Variants in RGS17 observed in about 807,000 individuals in gnomAD.
RGS17 encodes regulator of G protein signaling 17, also known as regulator of G-protein signaling 17.
Under a neutral mutation model 25.5 loss-of-function variants are expected in RGS17, and 12 were observed. That is an observed-to-expected ratio of 0.47 (90% CI 0.30 to 0.76). The LOEUF (loss-of-function observed/expected upper bound fraction) is 0.76. Among genes scored for constraint, RGS17 ranks in the 30% least tolerant of loss-of-function variants. The pLI, the probability that RGS17 is intolerant of heterozygous loss-of-function variation, is 0.07. For synonymous variants in RGS17, 71 were observed against 76.9 expected (o/e 0.92, Z 0.40); for missense variants, 196 against 242.2 (o/e 0.81, Z 1.27).
intron 1 of RGS17, among the ~76,000 whole-genome samples, chr6:153,085,037 C>A (rs1447722654): frequency 6.6e-6 from 1 of 152,112 alleles, no homozygotes; most frequent in African/African-American, 2.4e-5. Flanking sequence ...TGCTTTAAAA[C>A]TGTGTTTTAA....
At chr6:153,053,988 TATA>T (rs1776505765) in intron 1 of RGS17, among the ~76,000 whole-genome samples, 1 of 53,634 alleles carries the variant, frequency 1.9e-5, no homozygotes, top group Admixed American at 2.2e-4. Context: ...TATATATGTA[TATA>T]ATATATATAC....
chr6:153,104,823 C>CAAA, intron 1 of RGS17, among the ~76,000 whole-genome samples: 1 of 87,580 alleles, frequency 1.1e-5, no homozygotes. Flanking sequence ...ACTCTTGTCT[C>CAAA]AAAAAAAAAA....
intron 1 of RGS17, among the ~76,000 whole-genome samples, chr6:153,107,378 C>T (rs916831127): frequency 6.6e-6 from 1 of 152,264 alleles, no homozygotes; most frequent in East Asian, 1.9e-4. Context: ...GCACCATGTT[C>T]TCTCCAAACA....
rs551240067 is a variant in RGS17, at chr6:153,008,156, A to T, written c.*3418T>A. The T allele has an allele frequency of 3.9e-5, 6 of 152,318 alleles. No individual in the cohort carries two copies. In the South Asian group the frequency reaches 1.2e-3, roughly 32 times the overall value. 9.4% of individuals were successfully genotyped at this position (152,318 alleles called of 1,614,324 possible). On this transcript the variant is annotated 3_prime_UTR_variant, in exon 5 of 5. Coordinates refer to ENST00000206262, the MANE Select transcript of RGS17 (RefSeq NM_012419.5). ...GTATTTTTGCTCCTAATAAATAAAT[A>T]TTATTCACTTATCCCTATAGTCCTT...
chr6:153,129,977 G>A (rs1378672235), intron 1 of RGS17, among the ~76,000 whole-genome samples: 1 of 152,022 alleles, frequency 6.6e-6, no homozygotes, highest in African/African-American at 2.4e-5. Flanking sequence ...CATCTTTGTG[G>A]CCAGGCGACC....
chr6:153,067,215 G>GA (rs1336065177), intron 1 of RGS17, among the ~76,000 whole-genome samples: 2 of 151,868 alleles, frequency 1.3e-5, no homozygotes, highest in Non-Finnish European at 2.9e-5. Context: ...TACTGAATGG[G>GA]AAAAAAATGG....
At position 153,028,377 on chromosome 6, in the gene RGS17, G is replaced by A. The variant is rs150652555; in HGVS notation, c.120-1834C>T. Among the ~76,000 whole-genome samples the A allele has an allele frequency of 2.2e-3, 331 of 152,248 alleles. 1 individual carries two copies. Among genetic ancestry groups the A allele is most frequent in the Middle Eastern group, 0.017 (5 of 294 alleles). ...GGTTAGAGACAGCAAAGCCTTTAGC[G>A]TAGTGTAATTTTGGGGAGGAATTCA... On this transcript the variant is annotated intron_variant, in intron 2 of 4. Coordinates refer to ENST00000206262, the MANE Select transcript of RGS17 (RefSeq NM_012419.5).
intron 1 of RGS17, among the ~76,000 whole-genome samples, chr6:153,097,599 C>A (rs764448358): frequency 1.3e-5 from 2 of 151,972 alleles, no homozygotes; most frequent in African/African-American, 2.4e-5. Flanking sequence ...TTGGGCAACA[C>A]TGAGAAGAAT....
intron 1 of RGS17, among the ~76,000 whole-genome samples, chr6:153,053,791 CAAAAAAGAAAAG>C (rs1278060006): frequency 6.9e-6 from 1 of 144,434 alleles, no homozygotes; most frequent in African/African-American, 2.6e-5. Flanking sequence ...GAGCCTGTCT[CAAAAAAGAAAAG>C]AAAAAAGAAA....
intron 1 of RGS17, among the ~76,000 whole-genome samples, chr6:153,055,392 C>A (rs1776539723): frequency 6.6e-6 from 1 of 152,048 alleles, no homozygotes; most frequent in Non-Finnish European, 1.5e-5. Context: ...CTGAAACTCT[C>A]AAATATTTTT....
At chr6:153,067,653 TTG>T (rs1443894504) in intron 1 of RGS17, among the ~76,000 whole-genome samples, 116 of 152,214 alleles carry the variant, frequency 7.6e-4, no homozygotes, top group African/African-American at 2.6e-3. Context: ...ATGAAATAAA[TTG>T]AAGAGGACAC....
intron 2 of RGS17, among the ~76,000 whole-genome samples, chr6:153,043,151 C>T (rs189053045): frequency 6.6e-6 from 1 of 152,254 alleles, no homozygotes; most frequent in Admixed American, 6.5e-5. Context: ...CTAGATGGCA[C>T]CTTGGGAATT....
At chr6:153,067,148 T>C (rs1776721987) in intron 1 of RGS17, among the ~76,000 whole-genome samples, 1 of 152,116 alleles carries the variant, frequency 6.6e-6, no homozygotes, top group Admixed American at 6.6e-5. Flanking sequence ...AAACCGGGTA[T>C]AGAAGAAACA....
intron 1 of RGS17, among the ~76,000 whole-genome samples, chr6:153,080,291 T>G (rs1424954512): frequency 1.3e-5 from 2 of 152,198 alleles, no homozygotes; most frequent in East Asian, 3.8e-4. Flanking sequence ...CTGTTTCTCA[T>G]TTTGATGTCT....
intron 1 of RGS17, among the ~76,000 whole-genome samples, chr6:153,099,510 C>T (rs997855307): frequency 9.9e-5 from 15 of 151,978 alleles, no homozygotes; most frequent in African/African-American, 3.6e-4. Context: ...AAAATATATT[C>T]GGAAAAAAAA....
chr6:153,107,294 T>C (rs1041907967), intron 1 of RGS17, among the ~76,000 whole-genome samples: 1 of 151,976 alleles, frequency 6.6e-6, no homozygotes, highest in Admixed American at 6.6e-5. Context: ...GATCGCGCCA[T>C]TGCACTCCAG....
chr6:153,026,997 C>G (rs1406899476), intron 2 of RGS17, among the ~76,000 whole-genome samples: 1 of 152,150 alleles, frequency 6.6e-6, no homozygotes, highest in Non-Finnish European at 1.5e-5. Context: ...TACAATGTGT[C>G]AGAATCTAAT....
chr6:153,127,053 C>G (rs1010672681), intron 1 of RGS17, among the ~76,000 whole-genome samples: 4 of 152,176 alleles, frequency 2.6e-5, no homozygotes, highest in Non-Finnish European at 4.4e-5. Context: ...AACTGTTCCA[C>G]GTCAGCTCAT....
At chr6:153,078,953 A>C (rs1776928106) in intron 1 of RGS17, among the ~76,000 whole-genome samples, 1 of 152,010 alleles carries the variant, frequency 6.6e-6, no homozygotes. Context: ...AATCCTCAGG[A>C]TATCCTACAA....
Sources: gnomAD v4.1 joint callset for allele counts (sites outside exome capture counted in the v4.1 genomes callset) on GRCh38, gnomAD v4.1.1 for gene constraint, MANE v1.5 for transcripts, NCBI Gene and HGNC (gene_info 2026-07-23, HGNC 2026-07-21) for gene names.